Variants in STAT3 observed in about 807,000 individuals in gnomAD.
The protein encoded by STAT3 is signal transducer and activator of transcription 3, also known as DNA-binding protein APRF.
A neutral mutation model predicts 114.3 loss-of-function variants in STAT3; 7 were observed. The observed-to-expected ratio is 0.06, with a 90% confidence interval of 0.03 to 0.11. The LOEUF is 0.11. Ranked by LOEUF, STAT3 falls within the 10% of genes least tolerant of loss-of-function variation. The pLI is 1.00. For synonymous variants in STAT3, 331 were observed against 354.5 expected (o/e 0.93, Z 0.74); for missense variants, 364 against 960.9 (o/e 0.38, Z 8.21).
At chr17:42,319,918 C>T (rs1175646896) in intron 21 of STAT3, among the ~76,000 whole-genome samples, 1 of 152,170 alleles carries the variant, frequency 6.6e-6, no homozygotes, top group East Asian at 1.9e-4. Context: ...GTAATTAGTT[C>T]CTTTCTCCTG....
chr17:42,343,294 G>A (rs972095109), intron 4 of STAT3, among the ~76,000 whole-genome samples: 13 of 151,644 alleles, frequency 8.6e-5, no homozygotes, highest in African/African-American at 3.2e-4. Context: ...CCTGATTATA[G>A]GATATTAAAG....
rs1384393677 is a variant in STAT3, at chr17:42,324,347, CA to C, written c.1600+363del. On this transcript the variant is annotated intron_variant, in intron 17 of 23. Coordinates refer to ENST00000264657, the MANE Select transcript of STAT3 (RefSeq NM_139276.3). The surrounding 1 kb of genome is among the most constrained non-coding windows in gnomAD (Gnocchi z 4.5). ...AAATAAATAAATAAATAAAATAAGA[CA>C]AAAAAAACCAACTAGCCTATAGTTT... Among the ~76,000 whole-genome samples, 1 of 151,192 alleles carries C rather than the reference CA, an allele frequency of 6.6e-6. No individual in the cohort carries two copies. The highest frequency in any genetic ancestry group is 1.5e-5 in the Non-Finnish European group (1 of 67,834).
rs1211610442 is a variant in STAT3, at chr17:42,345,607, G to A, written c.324C>T (p.Cys108=). The change falls in exon 4 of 24, where the codon TGC becomes TGT. Residue 108 remains cysteine (C), a synonymous_variant. Transcript: ENST00000264657. ...PMEIARIVAR[C]LWEESRLLQT... is the part of the protein sequence containing the mutation. Reference sequence around the variant, plus strand: ...GTAGAAGGCGTGATTCTTCCCACAGGCACCGGGCCACAATCCGGGCAATCT... The same window carrying A: ...GTAGAAGGCGTGATTCTTCCCACAGACACCGGGCCACAATCCGGGCAATCT... 3 of 1,608,828 alleles carry A rather than the reference G, an allele frequency of 1.9e-6. No individual in the cohort carries two copies. Among genetic ancestry groups the A allele is most frequent in the South Asian group, 2.2e-5 (2 of 90,164 alleles).
rs2082270160 is a variant in STAT3, at chr17:42,337,324, T to C, written c.797+111A>G. 6 of 1,467,692 alleles carry C rather than the reference T, an allele frequency of 4.1e-6. No individual in the cohort carries two copies. The highest frequency in any genetic ancestry group is 1.3e-5 in the South Asian group (1 of 74,834). 90.9% of individuals were successfully genotyped at this position (1,467,692 alleles called of 1,614,324 possible). On this transcript the variant is annotated intron_variant, in intron 8 of 23. Transcript: ENST00000264657. The surrounding 1 kb of genome is among the most constrained non-coding windows in gnomAD (Gnocchi z 4.0). The stretch of plus-strand genomic sequence containing the variant: ...TTAATTCTTGGGCTAAATTTGAATA[T>C]GGAAAAGTCCCCACGTTGGAGATAT...
chr17:42,372,933 T>C (rs921994753), intron 1 of STAT3, among the ~76,000 whole-genome samples: 5 of 152,164 alleles, frequency 3.3e-5, no homozygotes, highest in African/African-American at 1.2e-4. Context: ...GGTTCATTAG[T>C]TGTAAGGGAC....
chr17:42,325,226 T>C lies in STAT3; in HGVS notation c.1366-165A>G, dbSNP rs1051358166. ...GTGAGTGAGTCAGCTCAGTGAGCAC[T>C]CATAGTGGAAAGAATGCCCAGCGTG... On this transcript the variant is annotated intron_variant, in intron 15 of 23. Transcript: ENST00000264657. 5 of 644,348 alleles carry C rather than the reference T, an allele frequency of 7.8e-6. No homozygotes were observed. In the Admixed American group the frequency reaches 8.0e-5, roughly 10 times the overall value. The allele number at this position is 644,348 out of a possible 1,614,324, so 39.9% of individuals were successfully genotyped here. A position where few individuals can be genotyped will look rare whatever the true frequency, so the allele number is the denominator to read the frequency against.
intron 11 of STAT3, 142 bp downstream of exon 11, chr17:42,331,330 C>T (rs1335723052): frequency 5.5e-6 from 4 of 722,534 alleles, no homozygotes; most frequent in African/African-American, 5.4e-5. Context: ...AATGACAATG[C>T]ACCCCAAGGC....
At chr17:42,376,454 G>T (rs1163413159) in intron 1 of STAT3, among the ~76,000 whole-genome samples, 1 of 151,422 alleles carries the variant, frequency 6.6e-6, no homozygotes, top group Non-Finnish European at 1.5e-5. Flanking sequence ...GGCTGAGGCA[G>T]GAGAATCACT....
chr17:42,350,225 A>C (rs1051986117), intron 1 of STAT3, among the ~76,000 whole-genome samples: 2 of 152,216 alleles, frequency 1.3e-5, no homozygotes, highest in African/African-American at 4.8e-5. Flanking sequence ...AGAAGGCACG[A>C]AGAAGCACCT....
chr17:42,324,377 A>T lies in STAT3; in HGVS notation c.1600+334T>A, dbSNP rs535046724. Among the ~76,000 whole-genome samples the T allele has an allele frequency of 2.0e-5, 3 of 152,218 alleles. No homozygotes were observed. The highest frequency in any genetic ancestry group is 4.8e-5 in the African/African-American group (2 of 41,544). The stretch of plus-strand genomic sequence containing the variant: ...AAAACCAACTAGCCTATAGTTTATT[A>T]AAAAAATGGACAGGGAATGTCAAGC... On this transcript the variant is annotated intron_variant, in intron 17 of 23. Coordinates refer to ENST00000264657, the MANE Select transcript of STAT3 (RefSeq NM_139276.3). This position sits in a 1 kb window ranked among gnomAD's most constrained non-coding sequence, Gnocchi z 4.5.
Position 42,319,541 on chromosome 17 carries a change from CAAAAAAAAA to C in STAT3, c.2102-2326_2102-2318del, listed in dbSNP as rs552897255. ...TGGACGATAGAGCGAGACTCAGGCT[CAAAAAAAAA>C]AAAAAAAAAAAAAAAAAAGCTGAGA... On this transcript the variant is annotated intron_variant, in intron 21 of 23. Coordinates refer to ENST00000264657, the MANE Select transcript of STAT3 (RefSeq NM_139276.3). 3.4e-4 allele frequency among the ~76,000 whole-genome samples: 15 copies of C among 43,854 alleles called. No homozygotes were observed. In the East Asian group the frequency reaches 7.7e-3, roughly 22 times the overall value. 28.8% of individuals were successfully genotyped at this position (43,854 alleles called of 152,430 possible).
intron 4 of STAT3, among the ~76,000 whole-genome samples, chr17:42,340,832 C>T (rs1437246212): frequency 6.6e-6 from 1 of 152,168 alleles, no homozygotes; most frequent in Non-Finnish European, 1.5e-5. Context: ...AAGCTGGTGC[C>T]TCCCTCCTCT....
intron 4 of STAT3, among the ~76,000 whole-genome samples, chr17:42,344,926 CT>C (rs950467768): frequency 1.5e-4 from 23 of 151,708 alleles, no homozygotes; most frequent in African/African-American, 5.6e-4. Flanking sequence ...TTTTCCTATA[CT>C]TTGGAAAAGT....
At chr17:42,329,333 G>C (rs2144763399) in intron 14 of STAT3, 77 bp downstream of exon 14, 2 of 1,590,094 alleles carry the variant, frequency 1.3e-6, no homozygotes, top group South Asian at 1.1e-5. Flanking sequence ...TCTAATTCTG[G>C]GGATTAAGAA....
chr17:42,340,437 C>T (rs920061575), intron 4 of STAT3, among the ~76,000 whole-genome samples: 8 of 149,512 alleles, frequency 5.4e-5, no homozygotes, highest in Non-Finnish European at 1.2e-4. Context: ...GAAACCAAGG[C>T]AGGAGGATCA....
chr17:42,328,102 A>G (rs938923910), intron 14 of STAT3, among the ~76,000 whole-genome samples: 1 of 152,084 alleles, frequency 6.6e-6, no homozygotes, highest in African/African-American at 2.4e-5. Flanking sequence ...CTGATTATAA[A>G]AGTAATATAT....
At chr17:42,358,058 A>G (rs1025263113) in intron 1 of STAT3, among the ~76,000 whole-genome samples, 2 of 152,222 alleles carry the variant, frequency 1.3e-5, no homozygotes, top group African/African-American at 4.8e-5. Flanking sequence ...AAAAATGAAC[A>G]TCAATCTATA....
At chr17:42,315,907 A>G (rs1598378277) in intron 23 of STAT3, 107 bp from the exon 24 acceptor site, 1 of 1,601,190 alleles carries the variant, frequency 6.2e-7, no homozygotes, top group Admixed American at 1.7e-5. Context: ...ACTGCTATCC[A>G]ATCTCCTGCC....
At chr17:42,322,216 C>A in intron 21 of STAT3, 66 bp downstream of exon 21, 1 of 1,527,254 alleles carries the variant, frequency 6.5e-7, no homozygotes, top group Non-Finnish European at 9.1e-7. Context: ...TATCTATCCT[C>A]CAAGGATCCC....
Sources: allele counts gnomAD v4.1 joint callset (sites outside exome capture counted in the v4.1 genomes callset), GRCh38; gene constraint gnomAD v4.1.1; non-coding constraint Gnocchi (gnomAD v3.1); transcripts MANE v1.5; gene names NCBI Gene and HGNC (gene_info 2026-07-23, HGNC 2026-07-21).